The following NSMAF variants were observed in gnomAD, a reference collection of about 807,000 sequenced individuals.
NSMAF encodes neutral sphingomyelinase activation associated factor.
NSMAF carries 90 observed loss-of-function variants against 134.9 expected under a neutral mutation model. That is an observed-to-expected ratio of 0.67 (90% CI 0.56 to 0.79). NSMAF has a LOEUF of 0.79. NSMAF is among the 30% of genes least tolerant of loss of function. The probability of loss-of-function intolerance (pLI) is 0.00; values close to 1 mark genes in which losing one functional copy is unlikely to be tolerated. For synonymous variants in NSMAF, 358 were observed against 389.6 expected, an observed-to-expected ratio of 0.92 and a Z score of 0.96; for missense variants, 1,010 against 1,119.0, an observed-to-expected ratio of 0.90 and a Z score of 1.39.
chr8:58,624,202 C>T (rs376910143), intron 6 of NSMAF, among the ~76,000 whole-genome samples: 4 of 151,978 alleles, frequency 2.6e-5, no homozygotes, highest in East Asian at 3.9e-4. Context: ...CCACCGCACC[C>T]GGCTAATTTT....
At position 58,642,970 on chromosome 8, in the gene NSMAF, C is replaced by G. The variant is rs1402198731; in HGVS notation, c.149+14G>C. 1.9e-6 allele frequency: 3 copies of G among 1,594,722 alleles called. No individual in the cohort carries two copies. Among genetic ancestry groups the G allele is most frequent in the Admixed American group, 3.3e-5 (2 of 59,944 alleles). ...AAGGTTTGTTTGTCCAAGGAGATAC[C>G]GAAGCTTCCTTACCTTTCATGGTGA... On this transcript the variant is annotated intron_variant, in intron 2 of 30. Coordinates refer to ENST00000038176, the MANE Select transcript of NSMAF (RefSeq NM_003580.4).
At chr8:58,655,172 A>T (rs915191529) in intron 1 of NSMAF, among the ~76,000 whole-genome samples, 3 of 151,862 alleles carry the variant, frequency 2.0e-5, no homozygotes, top group Non-Finnish European at 4.4e-5. Flanking sequence ...AGGTCTCCCT[A>T]TGTTGCCCAG....
intron 2 of NSMAF, among the ~76,000 whole-genome samples, chr8:58,639,537 C>T (rs559060164): frequency 1.9e-4 from 29 of 152,112 alleles, no homozygotes; most frequent in Non-Finnish European, 4.0e-4. Context: ...TTAAAGAAAA[C>T]AGTACAGAGG....
intron 2 of NSMAF, among the ~76,000 whole-genome samples, chr8:58,636,145 A>G (rs1257349854): frequency 6.6e-6 from 1 of 152,246 alleles, no homozygotes; most frequent in Non-Finnish European, 1.5e-5. Flanking sequence ...AAAAACTTTT[A>G]TGAAATTTCT....
At chr8:58,629,528 T>A (rs1308629232) in intron 6 of NSMAF, among the ~76,000 whole-genome samples, 2 of 152,210 alleles carry the variant, frequency 1.3e-5, no homozygotes, top group Non-Finnish European at 2.9e-5. Flanking sequence ...TCTTTAGGGT[T>A]GGTTTCTGAA....
At chr8:58,647,358 G>T (rs1314048586) in intron 1 of NSMAF, among the ~76,000 whole-genome samples, 1 of 152,168 alleles carries the variant, frequency 6.6e-6, no homozygotes, top group East Asian at 1.9e-4. Flanking sequence ...AAATAAAGAA[G>T]AAATTAAGAA....
chr8:58,633,419 C>T (rs1323297042), intron 5 of NSMAF, among the ~76,000 whole-genome samples: 1 of 152,232 alleles, frequency 6.6e-6, no homozygotes, highest in Non-Finnish European at 1.5e-5. Context: ...CTCAGTGAGG[C>T]ATCCCTGACT....
At chr8:58,648,813 C>T (rs1807517250) in intron 1 of NSMAF, among the ~76,000 whole-genome samples, 2 of 152,194 alleles carry the variant, frequency 1.3e-5, no homozygotes. Context: ...GCAGCTTACC[C>T]CTAGATTTCA....
chr8:58,656,857 A>G lies in NSMAF; in HGVS notation c.59+2716T>C, dbSNP rs151218098. ...AAAAATAAAAATAAAAAAAATTAGT[A>G]TAAGTATATACCAAATATTGCATAT... On this transcript the variant is annotated intron_variant, in intron 1 of 30. Transcript: ENST00000038176. 9.1e-3 allele frequency among the ~76,000 whole-genome samples: 1,385 copies of G among 152,274 alleles called. 22 individuals are homozygous for G. Among genetic ancestry groups the G allele is most frequent in the African/African-American group, 0.031 (1,290 of 41,542 alleles).
intron 9 of NSMAF, among the ~76,000 whole-genome samples, chr8:58,616,310 T>C (rs1263142505): frequency 6.6e-6 from 1 of 152,104 alleles, no homozygotes; most frequent in Non-Finnish European, 1.5e-5. Flanking sequence ...ACAAATACCT[T>C]ACAAGAGAAT....
chr8:58,638,011 A>G (rs1438944107), intron 2 of NSMAF, among the ~76,000 whole-genome samples: 1 of 152,242 alleles, frequency 6.6e-6, no homozygotes, highest in Non-Finnish European at 1.5e-5. Flanking sequence ...ATTAACATTG[A>G]TATTGACCCA....
At chr8:58,637,111 C>T in intron 2 of NSMAF, 1 of 307,840 alleles carries the variant, frequency 3.2e-6, no homozygotes, top group Non-Finnish European at 6.6e-6. Flanking sequence ...ACATTTCAAT[C>T]CATTGCAGAA....
chr8:58,602,584 G>A (rs1312344362), intron 13 of NSMAF, among the ~76,000 whole-genome samples: 9 of 152,038 alleles, frequency 5.9e-5, no homozygotes, highest in Non-Finnish European at 1.2e-4. Flanking sequence ...CATATTTCTA[G>A]AAAATCTATT....
At chr8:58,642,321 T>C (rs1807354281) in intron 2 of NSMAF, among the ~76,000 whole-genome samples, 1 of 152,250 alleles carries the variant, frequency 6.6e-6, no homozygotes, top group South Asian at 2.1e-4. Context: ...ATTTTCATCT[T>C]AGTTAATTCT....
chr8:58,635,677 A>T (rs1369743198), intron 2 of NSMAF, 131 bp from the exon 3 acceptor site: 1 of 579,648 alleles, frequency 1.7e-6, no homozygotes, highest in Non-Finnish European at 3.0e-6. Context: ...ATATAAAGAG[A>T]ACGTCTCTAT....
intron 9 of NSMAF, among the ~76,000 whole-genome samples, chr8:58,613,430 T>A (rs1302833273): frequency 1.3e-5 from 2 of 152,144 alleles, no homozygotes; most frequent in South Asian, 4.1e-4. Context: ...GAGGTACATA[T>A]TGTAATCTCT....
chr8:58,659,242 C>T, intron 1 of NSMAF: 9 of 1,501,826 alleles, frequency 6.0e-6, no homozygotes, highest in Non-Finnish European at 7.1e-6. Flanking sequence ...CACGCCCGGA[C>T]CCCGCGCGGC....
chr8:58,637,029 C>T (rs1418784353), intron 2 of NSMAF, among the ~76,000 whole-genome samples: 1 of 151,696 alleles, frequency 6.6e-6, no homozygotes, highest in Non-Finnish European at 1.5e-5. Flanking sequence ...CACACACACA[C>T]ACACACACAC....
intron 1 of NSMAF, among the ~76,000 whole-genome samples, chr8:58,643,562 C>T (rs542225659): frequency 1.3e-5 from 2 of 149,154 alleles, no homozygotes; most frequent in African/African-American, 4.9e-5. Flanking sequence ...GACGGAGTTT[C>T]ACTCTTGTTG....
Sources: gnomAD v4.1 joint callset for allele counts (sites outside exome capture counted in the v4.1 genomes callset) on GRCh38, gnomAD v4.1.1 for gene constraint, MANE v1.5 for transcripts, NCBI Gene and HGNC (gene_info 2026-07-23, HGNC 2026-07-21) for gene names.